The following ACO1 variants were observed in gnomAD, a reference collection of about 807,000 sequenced individuals.
ACO1 encodes aconitase 1.
In ACO1, 78 loss-of-function variants were observed where a neutral mutation model predicts 105.1. That is an observed-to-expected ratio of 0.74 (90% confidence interval 0.62 to 0.90). The LOEUF (loss-of-function observed/expected upper bound fraction) is 0.90, where lower values mean the gene tolerates loss of function less well. Ranked by LOEUF, ACO1 falls within the 40% of genes least tolerant of loss-of-function variation. ACO1 has a pLI of 0.00. For missense variants in ACO1, 965 were observed against 1,111.1 expected (o/e 0.87, Z 1.87); for synonymous variants, 364 against 397.4 (o/e 0.92, Z 1.00).
intron 4 of ACO1, among the ~76,000 whole-genome samples, chr9:32,414,651 C>T (rs1821810986): frequency 6.6e-6 from 1 of 152,184 alleles, no homozygotes; most frequent in Admixed American, 6.5e-5. Flanking sequence ...CTGTGAGAAG[C>T]TCTGCCATCC....
chr9:32,442,232 C>T (rs773787914), intron 19 of ACO1, among the ~76,000 whole-genome samples: 1 of 151,998 alleles, frequency 6.6e-6, no homozygotes, highest in Admixed American at 6.6e-5. Context: ...AGAACCATTG[C>T]GCTATAGTTC....
At chr9:32,418,821 G>C (rs1483098508) in intron 6 of ACO1, among the ~76,000 whole-genome samples, 2 of 152,178 alleles carry the variant, frequency 1.3e-5, no homozygotes, top group Admixed American at 6.5e-5. Context: ...AGGGGATTTT[G>C]ATACAGGTGT....
At chr9:32,411,560 C>T (rs536777616) in intron 4 of ACO1, among the ~76,000 whole-genome samples, 1 of 152,062 alleles carries the variant, frequency 6.6e-6, no homozygotes, top group Non-Finnish European at 1.5e-5. Flanking sequence ...TAATAGGTCC[C>T]TGAAGATAAA....
At chr9:32,426,128 T>G (rs1241813574) in intron 11 of ACO1, 131 bp downstream of exon 11, 26 of 899,502 alleles carry the variant, frequency 2.9e-5, no homozygotes, top group Non-Finnish European at 3.3e-6. Context: ...ATACAGATAT[T>G]TATTGGCCCA....
intron 1 of ACO1, among the ~76,000 whole-genome samples, chr9:32,392,303 G>A (rs1198473988): frequency 6.6e-6 from 1 of 152,150 alleles, no homozygotes; most frequent in Non-Finnish European, 1.5e-5. Context: ...CCAGCCATGA[G>A]ACCATGGCAA....
At position 32,433,846 on chromosome 9, in the gene ACO1, T is replaced by C. The variant is rs369135756; in HGVS notation, c.1956+14T>C. The C allele has an allele frequency of 1.3e-6, 2 of 1,550,998 alleles. No homozygotes were observed. The highest frequency in any genetic ancestry group is 1.4e-5 in the African/African-American group (1 of 71,092). On this transcript the variant is annotated intron_variant, in intron 16 of 20. Transcript: ENST00000309951. ...TTTGAAAACCTGGTATGGCTTTTTA[T>C]TTTTTAACAAAATGAATTCTTTGAA... is the stretch of plus-strand genomic sequence containing the variant.
At chr9:32,431,207 T>C (rs1288149184) in intron 14 of ACO1, among the ~76,000 whole-genome samples, 1 of 152,224 alleles carries the variant, frequency 6.6e-6, no homozygotes, top group African/African-American at 2.4e-5. Flanking sequence ...CTTTATATCA[T>C]TCAACACACA....
At chr9:32,408,234 G>C (rs943067949) in intron 3 of ACO1, among the ~76,000 whole-genome samples, 1 of 152,176 alleles carries the variant, frequency 6.6e-6, no homozygotes, top group African/African-American at 2.4e-5. Flanking sequence ...TTAAGTGCCA[G>C]CTTTCCCATC....
In ACO1 at chr9:32,453,882, T is replaced by C. The variant is rs1456486999; in HGVS notation, c.*3771T>C. 1.3e-5 allele frequency: 2 copies of C among 152,224 alleles called. No homozygotes were observed. The highest frequency in any genetic ancestry group is 6.5e-5 in the Admixed American group (1 of 15,276). 9.4% of individuals were successfully genotyped at this position (152,224 alleles called of 1,614,324 possible). On this transcript the variant is annotated 3_prime_UTR_variant, in exon 21 of 21. Transcript: ENST00000309951. The stretch of plus-strand genomic sequence containing the variant: ...AGCGTCATTATGAACAAAGATTATA[T>C]AACGATAGCTGATATTAAGTAAGTT...
intron 1 of ACO1, among the ~76,000 whole-genome samples, chr9:32,395,549 T>C (rs1442603551): frequency 2.0e-5 from 3 of 152,174 alleles, no homozygotes; most frequent in African/African-American, 7.2e-5. Flanking sequence ...TGTCATGTAC[T>C]ACACCACACT....
chr9:32,435,191 C>T (rs1471662124), intron 17 of ACO1, among the ~76,000 whole-genome samples: 2 of 152,140 alleles, frequency 1.3e-5, no homozygotes, highest in African/African-American at 2.4e-5. Flanking sequence ...ATATATTAAT[C>T]GAGGTCAGTG....
chr9:32,435,241 A>C (rs186553050), intron 17 of ACO1, among the ~76,000 whole-genome samples: 1 of 152,328 alleles, frequency 6.6e-6, no homozygotes, highest in East Asian at 1.9e-4. Context: ...ACGTGAGGAC[A>C]TAAAAATTCC....
In ACO1 at chr9:32,436,385, T is replaced by C; in HGVS notation, c.2235T>C (p.Pro745=). The change falls in exon 18 of 21, where the codon CCT becomes CCC. Residue 745 remains proline (P), a synonymous_variant. Transcript: ENST00000309951. The part of the protein sequence containing the change: ...NKQAPQTIHL[P]SGEILDVFDA... Reference sequence around the variant, plus strand: ...AGGCACCACAGACTATCCATCTGCCTTCTGGGGAAATCGTGAGTATTGTCT... The same window carrying C: ...AGGCACCACAGACTATCCATCTGCCCTCTGGGGAAATCGTGAGTATTGTCT... The C allele has an allele frequency of 1.2e-6, 2 of 1,614,126 alleles. No individual in the cohort carries two copies. Among genetic ancestry groups the C allele is most frequent in the Non-Finnish European group, 1.7e-6 (2 of 1,179,980 alleles).
At chr9:32,398,043 C>G (rs1019779970) in intron 1 of ACO1, among the ~76,000 whole-genome samples, 5 of 152,142 alleles carry the variant, frequency 3.3e-5, no homozygotes, top group African/African-American at 1.2e-4. Context: ...TCCTGTCCAG[C>G]CCACTACTGA....
chr9:32,443,527 A>G (rs1452982923), intron 19 of ACO1, among the ~76,000 whole-genome samples: 1 of 152,236 alleles, frequency 6.6e-6, no homozygotes, highest in Non-Finnish European at 1.5e-5. Context: ...AAAATAATAA[A>G]AAGTTTACTT....
rs189752910 is a variant in ACO1, at chr9:32,444,793, A to G, written c.2371-4103A>G. Among the ~76,000 whole-genome samples the G allele has an allele frequency of 1.4e-4, 21 of 152,288 alleles. No individual in the cohort carries two copies. In the East Asian group the frequency reaches 3.9e-3, roughly 28 times the overall value. On this transcript the variant is annotated intron_variant, in intron 19 of 20. Coordinates refer to ENST00000309951, the MANE Select transcript of ACO1 (RefSeq NM_002197.3). Reference sequence around the variant, plus strand: ...TACTATTTTGAGATATGTTCCATCAATACCTGGTTTATTGAGAGTTTTTAA... The same window carrying G: ...TACTATTTTGAGATATGTTCCATCAGTACCTGGTTTATTGAGAGTTTTTAA...
At chr9:32,449,956 C>G in intron 20 of ACO1, 42 bp from the exon 21 acceptor site, 2 of 1,535,660 alleles carry the variant, frequency 1.3e-6, no homozygotes, top group Non-Finnish European at 1.8e-6. Flanking sequence ...AGAGCTGTCT[C>G]GCCACCTCCC....
rs1822726586 is a variant in ACO1 at position 32,450,120 on chromosome 9, C to T, written c.*9C>T. The T allele has an allele frequency of 2.5e-6, 4 of 1,602,752 alleles. No individual in the cohort carries two copies. The highest frequency in any genetic ancestry group is 1.1e-5 in the South Asian group (1 of 90,784). ...GCAAGATGGCCAAGTAGGAGACGTG[C>T]ACTTGGTGCTGCGCCCAGGGAGGAA... On this transcript the variant is annotated 3_prime_UTR_variant, in exon 21 of 21. Coordinates refer to ENST00000309951, the MANE Select transcript of ACO1 (RefSeq NM_002197.3).
Position 32,408,562 on chromosome 9 carries a change from A to C in ACO1, c.315A>C (p.Lys105Asn). Reference sequence around the variant, plus strand: ...TTGCTGCAATGCGTGATGCTGTGAAAAAGTTAGGAGGAGATCCAGAGAAAA... The same window carrying C: ...TTGCTGCAATGCGTGATGCTGTGAACAAGTTAGGAGGAGATCCAGAGAAAA... Reference protein sequence around the residue: ...VDFAAMRDAVKKLGGDPEKIN... With the variant: ...VDFAAMRDAVNKLGGDPEKIN... Residue 105 changes from lysine (K) to asparagine (N), a missense_variant, in exon 4 of 21, where the codon AAA (lysine) becomes AAC (asparagine). Coordinates refer to ENST00000309951, the MANE Select transcript of ACO1 (RefSeq NM_002197.3). 1 of 1,614,204 alleles carries C rather than the reference A, an allele frequency of 6.2e-7. No individual in the cohort carries two copies. Among genetic ancestry groups the C allele is most frequent in the Non-Finnish European group, 8.5e-7 (1 of 1,180,022 alleles).
Sources: allele counts gnomAD v4.1 joint callset (sites outside exome capture counted in the v4.1 genomes callset), GRCh38; gene constraint gnomAD v4.1.1; transcripts MANE v1.5; gene names NCBI Gene and HGNC (gene_info 2026-07-23, HGNC 2026-07-21).